The following BIRC6 variants were observed in gnomAD, a reference collection of about 807,000 sequenced individuals.
The protein encoded by BIRC6 is dual E2 ubiquitin-conjugating enzyme/E3 ubiquitin-protein ligase BIRC6.
In BIRC6, 98 loss-of-function variants were observed where a neutral mutation model predicts 503.3. The observed-to-expected ratio is 0.19, with a 90% confidence interval of 0.17 to 0.23. The LOEUF is 0.23. Ranked by LOEUF, BIRC6 falls within the 10% of genes least tolerant of loss-of-function variation. The pLI is 1.00. For synonymous variants in BIRC6, 2,240 were observed against 2,078.7 expected (o/e 1.08, Z -2.11); for missense variants, 5,360 against 5,806.0 (o/e 0.92, Z 2.50).
chr2:32,573,938 A>G (rs113385523), intron 65 of BIRC6, among the ~76,000 whole-genome samples: 1 of 152,168 alleles, frequency 6.6e-6, no homozygotes, highest in Non-Finnish European at 1.5e-5. Context: ...TATATGTAAT[A>G]TAACTAGATA....
intron 73 of BIRC6, 33 bp downstream of exon 73, chr2:32,611,615 C>T: frequency 6.6e-7 from 1 of 1,507,960 alleles, no homozygotes; most frequent in Non-Finnish European, 8.9e-7. Flanking sequence ...AGCCTTGTTG[C>T]TTTAAGAGTT....
At chr2:32,534,952 G>T (rs931670757) in intron 61 of BIRC6, among the ~76,000 whole-genome samples, 17 of 151,256 alleles carry the variant, frequency 1.1e-4, no homozygotes, top group Admixed American at 6.6e-4. Flanking sequence ...AATTCAACAT[G>T]TAAGAAACTG....
rs2041137567 is a variant in BIRC6, at chr2:32,405,768, T to C, written c.1419-731T>C. ...TACACACTTGCTTATACAACTATTA[T>C]GTTTGGTTTTAGGCTGTCCTGAATT... On this transcript the variant is annotated intron_variant, in intron 8 of 73. Coordinates refer to ENST00000421745, the MANE Select transcript of BIRC6 (RefSeq NM_016252.4). Among the ~76,000 whole-genome samples the C allele has an allele frequency of 2.0e-5, 3 of 152,212 alleles. No homozygotes were observed. In the South Asian group the frequency reaches 6.2e-4, roughly 32 times the overall value.
intron 57 of BIRC6, among the ~76,000 whole-genome samples, chr2:32,521,049 A>G (rs574722273): frequency 4.1e-4 from 63 of 152,288 alleles, no homozygotes; most frequent in Middle Eastern, 3.4e-3. Context: ...CATAAAAATA[A>G]AAGCTAATCG....
intron 1 of BIRC6, among the ~76,000 whole-genome samples, chr2:32,371,513 T>G (rs937317257): frequency 6.6e-6 from 1 of 151,948 alleles, no homozygotes; most frequent in Non-Finnish European, 1.5e-5. Flanking sequence ...CAGCTGGGAC[T>G]ACAGGTTCAT....
chr2:32,404,899 C>T (rs1484394736), intron 8 of BIRC6, among the ~76,000 whole-genome samples: 2 of 151,864 alleles, frequency 1.3e-5, no homozygotes, highest in Admixed American at 6.6e-5. Context: ...TGGGCTCAAG[C>T]AGTCCTCCCT....
intron 26 of BIRC6, among the ~76,000 whole-genome samples, chr2:32,466,790 T>G (rs779195558): frequency 1.3e-5 from 2 of 152,192 alleles, no homozygotes; most frequent in Non-Finnish European, 2.9e-5. Context: ...TTACTGTTGT[T>G]TTTTTGTTTT....
intron 73 of BIRC6, 38 bp from the exon 74 acceptor site, chr2:32,617,687 G>T: frequency 1.3e-6 from 2 of 1,592,356 alleles, no homozygotes; most frequent in Non-Finnish European, 8.6e-7. Flanking sequence ...GTGCTAGAGG[G>T]TTTGCAGTTC....
chr2:32,604,707 G>A (rs2062311943), intron 71 of BIRC6, among the ~76,000 whole-genome samples: 2 of 151,792 alleles, frequency 1.3e-5, no homozygotes, highest in African/African-American at 4.8e-5. Flanking sequence ...CTTTTTTCTG[G>A]TACACAAAAC....
intron 1 of BIRC6, among the ~76,000 whole-genome samples, chr2:32,359,346 GAAT>G (rs1203632037): frequency 6.6e-6 from 1 of 152,326 alleles, no homozygotes; most frequent in East Asian, 1.9e-4. Flanking sequence ...CCATGTTTGA[GAAT>G]AATAATGTGT....
At chr2:32,431,537 C>T (rs1452570205) in intron 12 of BIRC6, among the ~76,000 whole-genome samples, 2 of 152,074 alleles carry the variant, frequency 1.3e-5, no homozygotes, top group African/African-American at 4.8e-5. Context: ...CAGTAATATA[C>T]TTAGGAATTC....
At chr2:32,452,480 T>G (rs973917770) in intron 22 of BIRC6, among the ~76,000 whole-genome samples, 1 of 152,232 alleles carries the variant, frequency 6.6e-6, no homozygotes, top group African/African-American at 2.4e-5. Flanking sequence ...TTTAAAGATA[T>G]GTAGAGGGAT....
In BIRC6 at chr2:32,468,060, T is replaced by A. The variant is rs759747634; in HGVS notation, c.5729T>A (p.Ile1910Asn). ...GGAGAATCTGCAAACCAGCCAGAAA[T>A]TGACCAGCATTTAGCAATGATGGTT... is the stretch of plus-strand genomic sequence containing the variant. ...GEGESANQPE[I>N]DQHLAMMVAL... The change falls in exon 28 of 74, where the codon ATT becomes AAT. Residue 1910 changes from isoleucine to asparagine, a missense_variant. Physicochemically the swap from Ile to Asn is moderately radical, Grantham distance 149. Coordinates refer to ENST00000421745, the MANE Select transcript of BIRC6 (RefSeq NM_016252.4). 3.1e-6 allele frequency: 5 copies of A among 1,613,768 alleles called. No homozygotes were observed. In the African/African-American group the frequency reaches 4.0e-5, roughly 13 times the overall value.
intron 3 of BIRC6, among the ~76,000 whole-genome samples, chr2:32,381,293 G>C (rs915327705): frequency 2.0e-5 from 3 of 152,090 alleles, no homozygotes; most frequent in African/African-American, 7.2e-5. Flanking sequence ...AGGCTGCAGC[G>C]CAATGGCACA....
intron 53 of BIRC6, among the ~76,000 whole-genome samples, chr2:32,511,367 T>A (rs770031922): frequency 9.9e-5 from 15 of 151,802 alleles, no homozygotes; most frequent in Admixed American, 2.6e-4. Context: ...TGGAGCGCAG[T>A]GGTGCAATCT....
At chr2:32,558,967 G>A (rs1252968034) in intron 65 of BIRC6, 1 of 152,056 alleles carries the variant, frequency 6.6e-6, no homozygotes, top group African/African-American at 2.4e-5. Context: ...AAATGCTAAT[G>A]TTTATGGTTA....
intron 21 of BIRC6, among the ~76,000 whole-genome samples, chr2:32,446,641 C>T (rs980583211): frequency 6.8e-6 from 1 of 147,170 alleles, no homozygotes; most frequent in Non-Finnish European, 1.5e-5. Flanking sequence ...TTTGTTGAGT[C>T]TCTGGACAGT....
chr2:32,378,155 C>A (rs2037096406), intron 2 of BIRC6, among the ~76,000 whole-genome samples: 1 of 152,110 alleles, frequency 6.6e-6, no homozygotes, highest in Non-Finnish European at 1.5e-5. Flanking sequence ...TCATTATTTC[C>A]CAGTCACAGG....
intron 10 of BIRC6, 49 bp from the exon 11 acceptor site, chr2:32,429,097 T>C: frequency 6.8e-7 from 1 of 1,463,136 alleles, no homozygotes; most frequent in South Asian, 1.3e-5. Context: ...TTTGAATATT[T>C]GAATGTTTAC....
Sources: allele counts gnomAD v4.1 joint callset (sites outside exome capture counted in the v4.1 genomes callset), GRCh38; gene constraint gnomAD v4.1.1; transcripts MANE v1.5; gene names NCBI Gene and HGNC (gene_info 2026-07-23, HGNC 2026-07-21).